The following HEATR5B variants were observed in gnomAD, a reference collection of about 807,000 sequenced individuals.
HEATR5B encodes HEAT repeat containing 5B.
HEATR5B carries 156 observed loss-of-function variants against 224.1 expected under a neutral mutation model. The ratio of observed to expected loss-of-function variants is 0.70; its 90% CI spans 0.61 to 0.80. The LOEUF (loss-of-function observed/expected upper bound fraction) is 0.80. HEATR5B is among the 30% of genes least tolerant of loss of function. HEATR5B has a pLI of 0.00. For synonymous variants in HEATR5B, 1,027 were observed against 893.0 expected (o/e 1.15, Z -2.68); for missense variants, 2,323 against 2,535.5 (o/e 0.92, Z 1.80).
At chr2:37,082,919 C>T (rs1258589086) in intron 2 of HEATR5B, among the ~76,000 whole-genome samples, 2 of 148,234 alleles carry the variant, frequency 1.3e-5, no homozygotes, top group Non-Finnish European at 3.0e-5. Context: ...GAAGAAAAAA[C>T]AGATTAAAAA....
At chr2:37,013,250 T>C (rs559381692) in intron 27 of HEATR5B, among the ~76,000 whole-genome samples, 2 of 152,332 alleles carry the variant, frequency 1.3e-5, no homozygotes, top group East Asian at 1.9e-4. Flanking sequence ...AGGAAGGAAT[T>C]AGTTACTTCA....
chr2:37,000,582 T>C lies in HEATR5B; in HGVS notation c.5545+4A>G, dbSNP rs1329707781. 9 of 1,611,624 alleles carry C rather than the reference T, an allele frequency of 5.6e-6. No homozygotes were observed. The African/African-American group carries it at 6.7e-5, about 12-fold the overall frequency. ...AACTAAAACGTTTAAAACTGATAGGTTACCTGGTTGAGAATATTCCAGGAT... is the reference window on the plus strand; with the variant it reads ...AACTAAAACGTTTAAAACTGATAGGCTACCTGGTTGAGAATATTCCAGGAT... On this transcript the variant is annotated splice_donor_region_variant and intron_variant, in intron 33 of 35. Transcript: ENST00000233099.
rs1671229891 is a variant in HEATR5B at position 37,060,681 on chromosome 2, A to G, written c.1749T>C (p.Asn583=). Residue 583 remains asparagine, a synonymous_variant, in exon 12 of 36, where the codon AAT becomes AAC. Transcript: ENST00000233099. The part of the protein sequence containing the change: ...HLPKMLLLWR[N]VFPRSLKELE... ...ATTCCTTTAAGGAACGTGGGAAAAC[A>G]TTTCGCCACAATAACAACATCTTGG... The G allele has an allele frequency of 4.3e-6, 7 of 1,613,830 alleles. No individual in the cohort carries two copies. The African/African-American group carries it at 9.3e-5, about 22-fold the overall frequency.
chr2:37,075,270 G>T lies in HEATR5B; in HGVS notation c.597+215C>A, dbSNP rs143076566. ...TATGGATACATATAACAACATAAAT[G>T]AATTTCAAAACAATTATACTAAGTG... On this transcript the variant is annotated intron_variant, in intron 5 of 35. Transcript: ENST00000233099. Among the ~76,000 whole-genome samples the T allele has an allele frequency of 1.3e-3, 201 of 152,112 alleles. 5 individuals are homozygous for T. The East Asian group carries it at 0.026, about 20-fold the overall frequency.
rs1324923242 is a variant in HEATR5B, at chr2:37,037,890, G to A, written c.3181C>T (p.His1061Tyr). Residue 1061 changes from histidine (H) to tyrosine (Y), a missense_variant, in exon 21 of 36, where the codon CAT (histidine) becomes TAT (tyrosine). Transcript: ENST00000233099. ...GGAACAAGGCTAGATAGATTGACAT[G>A]TCGTGGTGCAAACATGTGAAGCTGC... ...LQQLHMFAPR[H>Y]VNLSSLVPSL... is the part of the protein sequence containing the mutation. 1 of 1,596,394 alleles carries A rather than the reference G, an allele frequency of 6.3e-7. No homozygotes were observed. The highest frequency in any genetic ancestry group is 8.6e-7 in the Non-Finnish European group (1 of 1,169,376).
chr2:37,083,466 T>A (rs1359664841), intron 1 of HEATR5B, 30 bp from the exon 2 acceptor site: 1 of 1,470,774 alleles, frequency 6.8e-7, no homozygotes, highest in African/African-American at 1.4e-5. Flanking sequence ...AAAATACTTG[T>A]AAGTATTTTT....
At chr2:37,037,145 G>GAGATAGAT in intron 21 of HEATR5B, among the ~76,000 whole-genome samples, 5 of 89,140 alleles carry the variant, frequency 5.6e-5, no homozygotes, top group African/African-American at 1.9e-4. Flanking sequence ...CTAAAAATGT[G>GAGATAGAT]ATATATATAT....
intron 13 of HEATR5B, 124 bp downstream of exon 13, chr2:37,058,764 T>G (rs1163838060): frequency 2.8e-6 from 2 of 711,158 alleles, no homozygotes; most frequent in African/African-American, 3.6e-5. Context: ...ATTTTTAAAG[T>G]TATATTACAA....
At chr2:37,059,091 A>G (rs189581911) in intron 12 of HEATR5B, 104 bp from the exon 13 acceptor site, 2 of 642,466 alleles carry the variant, frequency 3.1e-6, no homozygotes, top group African/African-American at 3.7e-5. Context: ...CTTAATTATT[A>G]TAACGTATAA....
intron 33 of HEATR5B, among the ~76,000 whole-genome samples, chr2:36,991,418 C>T (rs893835813): frequency 2.0e-5 from 3 of 147,326 alleles, no homozygotes; most frequent in East Asian, 2.1e-4. Context: ...TCGCTTGTAC[C>T]GGGGAGGTGG....
chr2:36,998,802 T>C (rs1009371820), intron 33 of HEATR5B, among the ~76,000 whole-genome samples: 1 of 152,064 alleles, frequency 6.6e-6, no homozygotes, highest in Non-Finnish European at 1.5e-5. Flanking sequence ...CAGAAATATA[T>C]ATTGCTCATA....
chr2:37,022,085 G>C (rs889214598), intron 24 of HEATR5B, among the ~76,000 whole-genome samples: 2 of 151,576 alleles, frequency 1.3e-5, no homozygotes, highest in African/African-American at 2.4e-5. Flanking sequence ...TTTTTCCCAG[G>C]TGAATCCTTA....
chr2:37,007,785 T>TG (rs531803337), intron 28 of HEATR5B, among the ~76,000 whole-genome samples: 22 of 152,364 alleles, frequency 1.4e-4, no homozygotes, highest in Non-Finnish European at 2.8e-4. Context: ...CTGGAATACC[T>TG]GTCTCTTCCT....
chr2:37,001,588 T>A (rs1667093079), intron 32 of HEATR5B, among the ~76,000 whole-genome samples: 1 of 151,058 alleles, frequency 6.6e-6, no homozygotes, highest in Admixed American at 6.6e-5. Flanking sequence ...GAGCCACACA[T>A]AAAATACACT....
At chr2:37,029,813 C>T (rs1669006163) in intron 22 of HEATR5B, among the ~76,000 whole-genome samples, 1 of 151,328 alleles carries the variant, frequency 6.6e-6, no homozygotes, top group East Asian at 1.9e-4. Context: ...GTGGCAGGTG[C>T]CTGTAATTCG....
chr2:37,020,904 G>A, intron 24 of HEATR5B, 68 bp from the exon 25 acceptor site: 4 of 857,690 alleles, frequency 4.7e-6, no homozygotes, highest in East Asian at 3.0e-5. Flanking sequence ...ATAAAAATAT[G>A]AAATGAAATA....
At chr2:37,074,189 G>C (rs1354612363) in intron 5 of HEATR5B, among the ~76,000 whole-genome samples, 2 of 152,020 alleles carry the variant, frequency 1.3e-5, no homozygotes, top group African/African-American at 4.8e-5. Flanking sequence ...TGGGCATGGT[G>C]GCGGACGCCT....
At position 37,064,801 on chromosome 2, in the gene HEATR5B, A is replaced by G. The variant is rs752348201; in HGVS notation, c.1523T>C (p.Met508Thr). ...PEAVSGYSFAMAALLGGVHQC... is the reference protein window; with the variant it reads ...PEAVSGYSFATAALLGGVHQC... ...ATGTACTCCACCTAACAAAGCAGCC[A>G]TTGCAAAACTATATCCACTGACAGC... The change falls in exon 10 of 36, where the codon ATG (methionine) becomes ACG (threonine). Residue 508 changes from methionine to threonine, a missense_variant. This residue lies in a region of HEATR5B where 502 missense variants were observed against 517.8 expected (regional missense o/e 0.97). Coordinates refer to ENST00000233099, the MANE Select transcript of HEATR5B (RefSeq NM_019024.3). 1 of 1,614,056 alleles carries G rather than the reference A, an allele frequency of 6.2e-7. No individual in the cohort carries two copies. Among genetic ancestry groups the G allele is most frequent in the Non-Finnish European group, 8.5e-7 (1 of 1,179,976 alleles).
chr2:37,034,421 G>A (rs1171414132), intron 21 of HEATR5B, among the ~76,000 whole-genome samples: 1 of 140,434 alleles, frequency 7.1e-6, no homozygotes, highest in Non-Finnish European at 1.6e-5. Flanking sequence ...AGACCATCCC[G>A]GCTAAAACGG....
Sources: allele counts gnomAD v4.1 joint callset (sites outside exome capture counted in the v4.1 genomes callset), GRCh38; gene constraint gnomAD v4.1.1; regional missense constraint gnomAD v4.1.1; transcripts MANE v1.5; gene names NCBI Gene and HGNC (gene_info 2026-07-23, HGNC 2026-07-21).